PTCD3: variants seen among roughly 807,000 people sequenced by gnomAD.
PTCD3 encodes the protein pentatricopeptide repeat domain 3, also known as small ribosomal subunit protein mS39.
PTCD3 carries 89 observed loss-of-function variants against 101.9 expected under a neutral mutation model. The ratio of observed to expected loss-of-function variants is 0.87; its 90% confidence interval spans 0.74 to 1.04. PTCD3 has a LOEUF of 1.04. Among genes scored for constraint, PTCD3 ranks in the 50% least tolerant of loss-of-function variants. PTCD3 has a pLI of 0.00. For synonymous variants in PTCD3, 296 were observed against 278.5 expected (o/e 1.06, Z -0.63); for missense variants, 870 against 828.2 (o/e 1.05, Z -0.62).
In PTCD3 at chr2:86,127,960, T is replaced by C. The variant is rs776040438; in HGVS notation, c.1116T>C (p.Tyr372=). ...TTTGAGAACCCTCGCTTGCAACATA[T>C]CACCATATTATTCGCCTGTTTGATC... ...AIGIEPSLAT[Y]HHIIRLFDQP... Residue 372 remains tyrosine (Y), a synonymous_variant, in exon 14 of 24, where the codon TAT becomes TAC. Transcript: ENST00000254630. The C allele has an allele frequency of 2.0e-5, 32 of 1,610,944 alleles. No homozygotes were observed. Among genetic ancestry groups the C allele is most frequent in the Admixed American group, 1.2e-4 (7 of 60,008 alleles).
intron 1 of PTCD3, among the ~76,000 whole-genome samples, chr2:86,106,711 G>C (rs377311861): frequency 6.6e-6 from 1 of 152,156 alleles, no homozygotes; most frequent in East Asian, 1.9e-4. Context: ...GGAGCGAGGA[G>C]AACGTACAAG....
At chr2:86,133,149 A>G (rs934660786) in intron 17 of PTCD3, 29 bp from the exon 18 acceptor site, 2 of 1,609,052 alleles carry the variant, frequency 1.2e-6, no homozygotes, top group Non-Finnish European at 1.7e-6. Flanking sequence ...GGGACTTTAG[A>G]CTAAACATAC....
rs1189279306 is a variant in PTCD3 at position 86,140,462 on chromosome 2, T to A, written c.*2903T>A. 6.6e-6 allele frequency: 1 copy of A among 152,202 alleles called. No individual in the cohort carries two copies. The highest frequency in any genetic ancestry group is 1.5e-5 in the Non-Finnish European group (1 of 68,034). The allele number at this position is 152,202 out of a possible 1,614,324, so 9.4% of individuals were successfully genotyped here. A position where few individuals can be genotyped will look rare whatever the true frequency, so the allele number is the denominator to read the frequency against. ...CACGTCACCTACAGTTTTGTGATGG[T>A]GCATTTTTGCATTGCAGTATAGATC... On this transcript the variant is annotated 3_prime_UTR_variant, in exon 24 of 24. Coordinates refer to ENST00000254630, the MANE Select transcript of PTCD3 (RefSeq NM_017952.6).
At chr2:86,114,913 C>T (rs935266216) in intron 4 of PTCD3, among the ~76,000 whole-genome samples, 5 of 152,190 alleles carry the variant, frequency 3.3e-5, no homozygotes, top group Non-Finnish European at 7.4e-5. Context: ...TGCTTAATTC[C>T]TCCATCAGTG....
intron 1 of PTCD3, chr2:86,107,143 C>G (rs1393340484): frequency 6.4e-6 from 3 of 471,078 alleles, no homozygotes; most frequent in African/African-American, 2.0e-5. Flanking sequence ...AGAAACCACT[C>G]CATCTGATAC....
intron 23 of PTCD3, 69 bp downstream of exon 23, chr2:86,137,209 T>G: frequency 6.8e-7 from 1 of 1,472,064 alleles, no homozygotes; most frequent in Non-Finnish European, 9.1e-7. Context: ...TTCAAAATGT[T>G]CATAGCTTTC....
rs757561892 is a variant in PTCD3, at chr2:86,139,017, T to C, written c.*1458T>C. The C allele has an allele frequency of 6.6e-6, 1 of 152,218 alleles. No homozygotes were observed. Among genetic ancestry groups the C allele is most frequent in the Non-Finnish European group, 1.5e-5 (1 of 68,050 alleles). 9.4% of individuals were successfully genotyped at this position (152,218 alleles called of 1,614,324 possible). On this transcript the variant is annotated 3_prime_UTR_variant, in exon 24 of 24. Coordinates refer to ENST00000254630, the MANE Select transcript of PTCD3 (RefSeq NM_017952.6). ...CCATTTGGGTAGATGGCCTATGAAT[T>C]TGTAGTAGACTTTCAAAATGAGTGA...
At chr2:86,136,367 G>A (rs960775379) in intron 21 of PTCD3, among the ~76,000 whole-genome samples, 154 bp from the exon 22 acceptor site, 1 of 152,190 alleles carries the variant, frequency 6.6e-6, no homozygotes, top group Non-Finnish European at 1.5e-5. Flanking sequence ...ACAGGGCTGG[G>A]AGCTAGTAGA....
Position 86,137,622 on chromosome 2 carries a change from G to C in PTCD3, c.*63G>C. On this transcript the variant is annotated 3_prime_UTR_variant, in exon 24 of 24. Coordinates refer to ENST00000254630, the MANE Select transcript of PTCD3 (RefSeq NM_017952.6). ...GCTGCTGGAATCACACCTGAGAACT[G>C]AGATATACCAATATTTAACATTGTT... The C allele has an allele frequency of 1.2e-6, 2 of 1,602,670 alleles. No homozygotes were observed. The highest frequency in any genetic ancestry group is 1.7e-6 in the Non-Finnish European group (2 of 1,174,720).
chr2:86,111,153 A>G lies in PTCD3; in HGVS notation c.235A>G (p.Asn79Asp), dbSNP rs1294354390. ...TCTTCAGGCACTTGCATCCACAGTAAACAGGGTAAGTAGGATTTTGTGTTT... is the reference window on the plus strand; with the variant it reads ...TCTTCAGGCACTTGCATCCACAGTAGACAGGGTAAGTAGGATTTTGTGTTT... ...AVLQALASTV[N>D]RDTTAVPYVF... Residue 79 changes from asparagine to aspartate, a missense_variant, in exon 4 of 24, where the codon AAC becomes GAC. Transcript: ENST00000254630. The G allele has an allele frequency of 1.9e-6, 3 of 1,613,224 alleles. No individual in the cohort carries two copies. Among genetic ancestry groups the G allele is most frequent in the South Asian group, 2.2e-5 (2 of 91,034 alleles).
chr2:86,125,551 T>C (rs768123955), intron 11 of PTCD3, 36 bp downstream of exon 11: 16 of 1,554,258 alleles, frequency 1.0e-5, no homozygotes, highest in Non-Finnish European at 1.4e-5. Context: ...CCTTTCTCCA[T>C]TTCCTTCTTT....
chr2:86,129,713 A>G (rs1467768118), intron 14 of PTCD3, among the ~76,000 whole-genome samples: 1 of 152,232 alleles, frequency 6.6e-6, no homozygotes, highest in Non-Finnish European at 1.5e-5. Flanking sequence ...AATACATTGA[A>G]AAGAGAATAT....
At position 86,127,190 on chromosome 2, in the gene PTCD3, G is replaced by A. The variant is rs187729126; in HGVS notation, c.981G>A (p.Lys327=). Residue 327 remains lysine (K), a synonymous_variant, in exon 13 of 24, where the codon AAG becomes AAA. Transcript: ENST00000254630. ...LELLRHMVAQ[K]VKPNLQTFNT... is the part of the protein sequence containing the mutation. ...TGCTAAGACACATGGTTGCACAGAAGGTGAAACCAAATCTTCAGACTTTTA... is the reference window on the plus strand; with the variant it reads ...TGCTAAGACACATGGTTGCACAGAAAGTGAAACCAAATCTTCAGACTTTTA... 1.1e-5 allele frequency: 18 copies of A among 1,613,372 alleles called. No homozygotes were observed. The East Asian group carries it at 3.1e-4, about 28-fold the overall frequency.
chr2:86,125,910 A>G, intron 12 of PTCD3, 30 bp downstream of exon 12: 3 of 1,454,750 alleles, frequency 2.1e-6, no homozygotes, highest in Non-Finnish European at 9.6e-7. Flanking sequence ...TTATTTTTTA[A>G]TAGGGCTTAA....
intron 7 of PTCD3, 65 bp from the exon 8 acceptor site, chr2:86,121,414 A>G (rs1455783006): frequency 9.8e-7 from 1 of 1,022,974 alleles, no homozygotes; most frequent in East Asian, 2.4e-5. Flanking sequence ...GACACATTTT[A>G]ACCTAACAGG....
intron 22 of PTCD3, 70 bp from the exon 23 acceptor site, chr2:86,136,912 A>G (rs1433463993): frequency 1.3e-6 from 2 of 1,561,126 alleles, no homozygotes; most frequent in Admixed American, 1.8e-5. Context: ...CTGAACTTAC[A>G]CTGGATCTTG....
rs1271025563 is a variant in PTCD3, at chr2:86,141,574, ATTAGGTT to A, written c.*4020_*4026del. The A allele has an allele frequency of 3.3e-5, 5 of 152,214 alleles. No homozygotes were observed. Among genetic ancestry groups the A allele is most frequent in the African/African-American group, 1.2e-4 (5 of 41,462 alleles). The allele number at this position is 152,214 out of a possible 1,614,324, so 9.4% of individuals were successfully genotyped here. A position where few individuals can be genotyped will look rare whatever the true frequency, so the allele number is the denominator to read the frequency against. On this transcript the variant is annotated 3_prime_UTR_variant, in exon 24 of 24. Transcript: ENST00000254630. Reference sequence around the variant, plus strand: ...TGGTGTGCCTTAAAGACAGTCTAAAATTAGGTTTTAGTTTGTTACATTATTTTGAAAT... The same window carrying A: ...TGGTGTGCCTTAAAGACAGTCTAAAATTAGTTTGTTACATTATTTTGAAAT...
chr2:86,134,385 T>A lies in PTCD3; in HGVS notation c.1629+8T>A. ...GACAAGCACCCACCAGAGGTAGGCC[T>A]GAAACTCACCAGCCAGTATATCCTC... On this transcript the variant is annotated splice_region_variant and intron_variant, in intron 20 of 23. Transcript: ENST00000254630. 6.3e-7 allele frequency: 1 copy of A among 1,599,030 alleles called. No homozygotes were observed. Among genetic ancestry groups the A allele is most frequent in the Non-Finnish European group, 8.6e-7 (1 of 1,166,656 alleles).
chr2:86,132,003 G>A lies in PTCD3; in HGVS notation c.1267-315G>A, dbSNP rs368370755. 5.3e-4 allele frequency among the ~76,000 whole-genome samples: 80 copies of A among 152,266 alleles called. 1 individual carries two copies. The East Asian group carries it at 9.6e-3, about 18-fold the overall frequency. ...AAGAACCATAACTTAACTTTCCTGT[G>A]GGTAGATTTTGGAGTTATTTCATGG... On this transcript the variant is annotated intron_variant, in intron 16 of 23. Coordinates refer to ENST00000254630, the MANE Select transcript of PTCD3 (RefSeq NM_017952.6).
Sources: gnomAD v4.1 joint callset for allele counts (sites outside exome capture counted in the v4.1 genomes callset) on GRCh38, gnomAD v4.1.1 for gene constraint, MANE v1.5 for transcripts, NCBI Gene and HGNC (gene_info 2026-07-23, HGNC 2026-07-21) for gene names.